SLC24A1: variants seen among roughly 807,000 people sequenced by gnomAD.
The protein encoded by SLC24A1 is solute carrier family 24 member 1, also known as sodium/potassium/calcium exchanger 1.
In SLC24A1, 52 loss-of-function variants were observed where a neutral mutation model predicts 88.1. The observed-to-expected ratio is 0.59, with a 90% CI of 0.47 to 0.74. The LOEUF (loss-of-function observed/expected upper bound fraction) is 0.74. SLC24A1 is among the 30% of genes least tolerant of loss of function. The probability of loss-of-function intolerance (pLI) is 0.00; values close to 1 mark genes in which losing one functional copy is unlikely to be tolerated. For synonymous variants in SLC24A1, 455 were observed against 498.0 expected (o/e 0.91, Z 1.15); for missense variants, 1,173 against 1,363.3 (o/e 0.86, Z 2.20).
Position 65,639,681 on chromosome 15 carries a change from C to G in SLC24A1, c.2031C>G (p.His677Gln). The change falls in exon 4 of 10, where the codon CAC becomes CAG. Residue 677 changes from histidine (H) to glutamine (Q), a missense_variant. Physicochemically the swap from His to Gln is conservative, Grantham distance 24. Transcript: ENST00000261892. ...IRSTIYQLML[H>Q]SLDPLREVRL... The stretch of plus-strand genomic sequence containing the variant: ...GCACCATCTACCAGCTCATGCTCCA[C>G]AGCCTGGACCCCCTGAGGGAAGGTA... 6.2e-7 allele frequency: 1 copy of G among 1,612,130 alleles called. No individual in the cohort carries two copies. The highest frequency in any genetic ancestry group is 1.3e-5 in the African/African-American group (1 of 75,022).
At chr15:65,649,594 A>T (rs115564122) in intron 6 of SLC24A1, among the ~76,000 whole-genome samples, 2 of 152,158 alleles carry the variant, frequency 1.3e-5, no homozygotes, top group Non-Finnish European at 2.9e-5. Context: ...TAGTTTCTCC[A>T]TCTGTAAGAT....
At chr15:65,635,446 C>CAAAAA (rs56960432) in intron 2 of SLC24A1, among the ~76,000 whole-genome samples, 1,197 of 58,240 alleles carry the variant, frequency 0.021, 58 homozygotes, top group East Asian at 0.054. Context: ...ACTCCGTCTC[C>CAAAAA]AAAAAAAAAA....
Position 65,624,586 on chromosome 15 carries a change from C to T in SLC24A1, c.506C>T (p.Thr169Ile). The T allele has an allele frequency of 6.3e-7, 1 of 1,594,434 alleles. No homozygotes were observed. The highest frequency in any genetic ancestry group is 8.5e-7 in the Non-Finnish European group (1 of 1,170,454). ...CAAATAGTAAAAAAGTATACCCCAA[C>T]ACCCAGGGGAGAAATGAAGAGCTAC... Reference protein sequence around the residue: ...SRQIVKKYTPTPRGEMKSYSP... With the variant: ...SRQIVKKYTPIPRGEMKSYSP... Residue 169 changes from threonine (T) to isoleucine (I), a missense_variant, in exon 2 of 10, where the codon ACA (threonine) becomes ATA (isoleucine). By Grantham distance (89) the Thr-to-Ile change is moderately conservative. Transcript: ENST00000261892.
chr15:65,649,578 T>C (rs1048124317), intron 6 of SLC24A1, among the ~76,000 whole-genome samples: 2 of 152,182 alleles, frequency 1.3e-5, no homozygotes, highest in African/African-American at 4.8e-5. Context: ...TTAGTTCCTT[T>C]TACTCTAGTT....
chr15:65,651,360 G>C (rs1005566216), intron 7 of SLC24A1, among the ~76,000 whole-genome samples: 1 of 152,116 alleles, frequency 6.6e-6, no homozygotes, highest in South Asian at 2.1e-4. Context: ...AATGGTACAA[G>C]GAGGTTGCAA....
chr15:65,631,435 G>A (rs2074721267), intron 2 of SLC24A1, among the ~76,000 whole-genome samples: 1 of 152,190 alleles, frequency 6.6e-6, no homozygotes. Context: ...GTGATAGAGA[G>A]TGATTGTAAA....
chr15:65,645,694 A>G lies in SLC24A1; in HGVS notation c.2223A>G (p.Pro741=), dbSNP rs766839230. Residue 741 remains proline (P), a synonymous_variant, in exon 6 of 10, where the codon CCA becomes CCG. Transcript: ENST00000261892. ...PDIKGDQKEN[P]GGQEDVAEAE... is the part of the protein sequence containing the mutation. ...TCAAGGGAGATCAGAAGGAGAATCC[A>G]GGCGGTCAGGTAGGCACCCAGCCTT... is the stretch of plus-strand genomic sequence containing the variant. The G allele has an allele frequency of 6.4e-7, 1 of 1,571,222 alleles. No individual in the cohort carries two copies. The highest frequency in any genetic ancestry group is 1.2e-5 in the South Asian group (1 of 85,100).
intron 4 of SLC24A1, chr15:65,642,898 C>T (rs1315843306): frequency 2.4e-6 from 2 of 826,958 alleles, no homozygotes; most frequent in African/African-American, 1.8e-5. Context: ...TTTCCAGCTT[C>T]TCCGTTTCCT....
chr15:65,633,211 C>T (rs906302319), intron 2 of SLC24A1, among the ~76,000 whole-genome samples: 11 of 152,164 alleles, frequency 7.2e-5, no homozygotes, highest in African/African-American at 1.2e-4. Flanking sequence ...CCTGGAAAGG[C>T]GGCTAGTCTG....
rs923634917 is a variant in SLC24A1 at position 65,634,690 on chromosome 15, T to C, written c.1891-3438T>C. ...ATATAGATTTGACCTCATTTCCTTA[T>C]TTATGCTTGGGAAAATAAATGGGAT... On this transcript the variant is annotated intron_variant, in intron 2 of 9. Coordinates refer to ENST00000261892, the MANE Select transcript of SLC24A1 (RefSeq NM_004727.3). Among the ~76,000 whole-genome samples, 20 of 145,630 alleles carry C rather than the reference T, an allele frequency of 1.4e-4. 1 individual carries two copies. Among genetic ancestry groups the C allele is most frequent in the African/African-American group, 5.2e-4 (20 of 38,670 alleles).
At chr15:65,648,781 T>C (rs2075396722) in intron 6 of SLC24A1, among the ~76,000 whole-genome samples, 1 of 152,064 alleles carries the variant, frequency 6.6e-6, no homozygotes, top group Non-Finnish European at 1.5e-5. Context: ...ATTACAGGTG[T>C]GAGCCACCGT....
Position 65,650,582 on chromosome 15 carries a change from G to GGGTGAAATCCACGCAGAAGAT in SLC24A1, c.2442_2462dup (p.Ile814_Glu820dup), listed in dbSNP as rs1272262665. ...AAGGAGACAATGAAGGTGAAGATGA[G>GGGTGAAATCCACGCAGAAGAT]GGTGAAATCCACGCAGAAGATGGTG... On this transcript the variant is annotated inframe_insertion, in exon 7 of 10. Coordinates refer to ENST00000261892, the MANE Select transcript of SLC24A1 (RefSeq NM_004727.3). The surrounding 1 kb of genome is among the most constrained non-coding windows in gnomAD (Gnocchi z 4.1). 1.9e-6 allele frequency: 3 copies of GGGTGAAATCCACGCAGAAGAT among 1,551,690 alleles called. No homozygotes were observed. The African/African-American group carries it at 4.1e-5, about 21-fold the overall frequency.
At chr15:65,611,392 C>A (rs75265841), upstream of SLC24A1, 10,657 of 593,364 alleles carry the variant, frequency 0.018, 874 homozygotes, top group African/African-American at 0.18. Flanking sequence ...GGTTTCCTGC[C>A]GTGTCTCTCT....
Position 65,650,548 on chromosome 15 carries a change from CA to C in SLC24A1, c.2400del (p.Glu801LysfsTer21), listed in dbSNP as rs750905418. On this transcript the variant is annotated frameshift_variant, in exon 7 of 10. Coordinates refer to ENST00000261892, the MANE Select transcript of SLC24A1 (RefSeq NM_004727.3). LOFTEE classifies it high-confidence loss of function. The surrounding 1 kb of genome is among the most constrained non-coding windows in gnomAD (Gnocchi z 4.1). ...KGEECEDENE[A>X]EGKGDNEGED... ...GAAGAATGTGAAGATGAAAATGAAG[CA>C]GAAGGAAAAGGAGACAATGAAGGTG... is the stretch of plus-strand genomic sequence containing the variant. 6.4e-7 allele frequency: 1 copy of C among 1,551,606 alleles called. No individual in the cohort carries two copies. The highest frequency in any genetic ancestry group is 1.2e-5 in the South Asian group (1 of 84,036).
intron 2 of SLC24A1, among the ~76,000 whole-genome samples, chr15:65,636,906 A>G (rs568805101): frequency 3.2e-4 from 48 of 151,288 alleles, no homozygotes; most frequent in Non-Finnish European, 6.2e-4. Flanking sequence ...TAATCCCAAA[A>G]GCACTGAAGG....
chr15:65,645,760 G>C lies in SLC24A1; in HGVS notation c.2232+57G>C. 2.5e-6 allele frequency: 3 copies of C among 1,183,534 alleles called. 1 individual carries two copies. Among genetic ancestry groups the C allele is most frequent in the South Asian group, 1.4e-5 (1 of 74,028 alleles). 73.3% of individuals were successfully genotyped at this position (1,183,534 alleles called of 1,614,324 possible). ...GGAGAGGTCTAGGGAAGGAACTCTT[G>C]ACCAAAAATACATCCTCCCTGAAGG... On this transcript the variant is annotated intron_variant, in intron 6 of 9. Coordinates refer to ENST00000261892, the MANE Select transcript of SLC24A1 (RefSeq NM_004727.3).
intron 6 of SLC24A1, among the ~76,000 whole-genome samples, chr15:65,646,107 G>A (rs1038996040): frequency 3.3e-5 from 5 of 152,292 alleles, no homozygotes; most frequent in Non-Finnish European, 7.3e-5. Flanking sequence ...ACTGCACCTG[G>A]TCAGGCATCT....
Position 65,652,840 on chromosome 15 carries a change from TA to T in SLC24A1, c.3050+34del, listed in dbSNP as rs1451668789. 6 of 1,542,696 alleles carry T rather than the reference TA, an allele frequency of 3.9e-6. No homozygotes were observed. In the South Asian group the frequency reaches 7.4e-5, roughly 19 times the overall value. ...GGCAATGTAACTTTCTAAGGGGTGT[TA>T]AGTATGACTGGAAAACACTGCATTG... On this transcript the variant is annotated intron_variant, in intron 9 of 9. Transcript: ENST00000261892.
Position 65,625,634 on chromosome 15 carries a change from T to C in SLC24A1, c.1554T>C (p.Ile518=), listed in dbSNP as rs1222971234. The C allele has an allele frequency of 6.2e-7, 1 of 1,614,040 alleles. No individual in the cohort carries two copies. The highest frequency in any genetic ancestry group is 8.5e-7 in the Non-Finnish European group (1 of 1,179,894). The part of the protein sequence containing the change: ...ELFTSLIGVF[I]SHSNVGIGTI... ...TCACCTCCCTCATCGGTGTCTTCAT[T>C]TCCCACAGCAACGTGGGCATTGGTA... Residue 518 remains isoleucine, a synonymous_variant, in exon 2 of 10, where the codon ATT becomes ATC. Coordinates refer to ENST00000261892, the MANE Select transcript of SLC24A1 (RefSeq NM_004727.3).
Sources: gnomAD v4.1 joint callset for allele counts (sites outside exome capture counted in the v4.1 genomes callset) on GRCh38, gnomAD v4.1.1 for gene constraint, Gnocchi (gnomAD v3.1) non-coding constraint, MANE v1.5 for transcripts, NCBI Gene and HGNC (gene_info 2026-07-23, HGNC 2026-07-21) for gene names.